CLIC4: variants seen among roughly 807,000 people sequenced by gnomAD.
CLIC4 encodes the protein chloride intracellular channel protein 4.
In CLIC4, 13 loss-of-function variants were observed where a neutral mutation model predicts 24.6. The observed-to-expected ratio is 0.53, with a 90% CI of 0.34 to 0.84. CLIC4 has a LOEUF of 0.84. Ranked by LOEUF, CLIC4 falls within the 40% of genes least tolerant of loss-of-function variation. The pLI is 0.01. For missense variants in CLIC4, 227 were observed against 301.7 expected (o/e 0.75, Z 1.83); for synonymous variants, 104 against 111.3 (o/e 0.93, Z 0.41).
intron 1 of CLIC4, among the ~76,000 whole-genome samples, chr1:24,784,230 C>G (rs1156858122): frequency 1.3e-5 from 2 of 152,142 alleles, no homozygotes; most frequent in Non-Finnish European, 2.9e-5. Context: ...CTAACCCCGT[C>G]CCTTGAGTGT....
At position 24,820,596 on chromosome 1, in the gene CLIC4, T is replaced by C. The variant is rs550691066; in HGVS notation, c.308+6377T>C. Among the ~76,000 whole-genome samples, 4 of 152,156 alleles carry C rather than the reference T, an allele frequency of 2.6e-5. No individual in the cohort carries two copies. In the East Asian group the frequency reaches 7.7e-4, roughly 29 times the overall value. ...AGTCTTAAAAGTGTCAGCTCAGAGG[T>C]AGGTTCCATATTTGCCAACTTGCTC... On this transcript the variant is annotated intron_variant, in intron 3 of 5. Coordinates refer to ENST00000374379, the MANE Select transcript of CLIC4 (RefSeq NM_013943.3).
At chr1:24,748,579 C>T (rs1407921390) in intron 1 of CLIC4, among the ~76,000 whole-genome samples, 1 of 143,884 alleles carries the variant, frequency 7.0e-6, no homozygotes, top group Non-Finnish European at 1.5e-5. Context: ...GGCGCGATCT[C>T]GGCTCACTGC....
At chr1:24,800,413 T>C (rs1291955907) in intron 2 of CLIC4, among the ~76,000 whole-genome samples, 1 of 138,298 alleles carries the variant, frequency 7.2e-6, no homozygotes, top group Non-Finnish European at 1.6e-5. Flanking sequence ...GCCCCCAGCC[T>C]GGCCAGCTGC....
At chr1:24,835,953 T>A (rs6600274) in intron 4 of CLIC4, among the ~76,000 whole-genome samples, 10 of 151,950 alleles carry the variant, frequency 6.6e-5, no homozygotes, top group Non-Finnish European at 1.3e-4. Context: ...ACAATGTTGC[T>A]TATGTACAAG....
intron 1 of CLIC4, among the ~76,000 whole-genome samples, chr1:24,765,793 T>G (rs1224118530): frequency 6.7e-6 from 1 of 149,642 alleles, no homozygotes; most frequent in African/African-American, 2.4e-5. Context: ...TTTCTTTCCT[T>G]CTTTTTCTTC....
At chr1:24,815,352 A>AG in intron 3 of CLIC4, among the ~76,000 whole-genome samples, 1 of 152,172 alleles carries the variant, frequency 6.6e-6, no homozygotes, top group East Asian at 1.9e-4. Context: ...TACAAAAAAA[A>AG]TTAGCTGGGC....
chr1:24,784,869 T>G (rs1281194137), intron 1 of CLIC4, among the ~76,000 whole-genome samples: 2 of 152,002 alleles, frequency 1.3e-5, no homozygotes, highest in African/African-American at 4.8e-5. Flanking sequence ...CCGGGCATGG[T>G]GGCGTGCATC....
chr1:24,757,704 C>T (rs760633243), intron 1 of CLIC4, among the ~76,000 whole-genome samples: 2 of 152,134 alleles, frequency 1.3e-5, no homozygotes, highest in Non-Finnish European at 2.9e-5. Flanking sequence ...TAAATTTAAG[C>T]CTTGACCATA....
chr1:24,767,430 A>G (rs1639015249), intron 1 of CLIC4, among the ~76,000 whole-genome samples: 1 of 152,220 alleles, frequency 6.6e-6, no homozygotes, highest in Non-Finnish European at 1.5e-5. Context: ...TCAATATACC[A>G]TATGTGGTTT....
chr1:24,807,051 A>AC (rs1639557819), intron 2 of CLIC4, among the ~76,000 whole-genome samples: 1 of 152,040 alleles, frequency 6.6e-6, no homozygotes. Context: ...AGTCCCAGCT[A>AC]CTTGCAGCTG....
intron 1 of CLIC4, among the ~76,000 whole-genome samples, chr1:24,763,555 GAATT>G (rs1340269417): frequency 4.0e-5 from 4 of 99,960 alleles, no homozygotes; most frequent in African/African-American, 9.5e-5. Flanking sequence ...AAAAAAAAAA[GAATT>G]AAGTTCAAAT....
chr1:24,790,710 G>T (rs1639324156), intron 1 of CLIC4, among the ~76,000 whole-genome samples: 1 of 152,154 alleles, frequency 6.6e-6, no homozygotes, highest in South Asian at 2.1e-4. Context: ...CATCCCAGGG[G>T]CAGGGGCTTG....
intron 1 of CLIC4, among the ~76,000 whole-genome samples, chr1:24,796,863 C>A (rs1639410005): frequency 6.6e-6 from 1 of 152,148 alleles, no homozygotes; most frequent in Non-Finnish European, 1.5e-5. Context: ...CCATATTGGA[C>A]ATTGGCAATA....
intron 3 of CLIC4, among the ~76,000 whole-genome samples, chr1:24,816,322 C>T (rs930580961): frequency 6.9e-6 from 1 of 143,954 alleles, no homozygotes; most frequent in Non-Finnish European, 1.5e-5. Flanking sequence ...TCACTGCAAC[C>T]TCCACCTCCC....
chr1:24,819,031 GGAAGGCT>G (rs1571260426), intron 3 of CLIC4, among the ~76,000 whole-genome samples: 1 of 152,088 alleles, frequency 6.6e-6, no homozygotes, highest in Non-Finnish European at 1.5e-5. Context: ...ATGGTAGGCA[GGAAGGCT>G]GATGAGCAAC....
At chr1:24,802,293 C>A (rs1287562689) in intron 2 of CLIC4, among the ~76,000 whole-genome samples, 1 of 151,870 alleles carries the variant, frequency 6.6e-6, no homozygotes, top group Non-Finnish European at 1.5e-5. Flanking sequence ...AGGCATTATT[C>A]CTATAGGTTG....
At chr1:24,808,417 G>A (rs1026441678) in intron 2 of CLIC4, among the ~76,000 whole-genome samples, 1 of 152,138 alleles carries the variant, frequency 6.6e-6, no homozygotes, top group Non-Finnish European at 1.5e-5. Flanking sequence ...CTAATACAGT[G>A]TAAATGCTAT....
At chr1:24,775,568 C>T (rs946168098) in intron 1 of CLIC4, among the ~76,000 whole-genome samples, 2 of 149,792 alleles carry the variant, frequency 1.3e-5, no homozygotes, top group African/African-American at 2.5e-5. Flanking sequence ...TTCTCTTTCC[C>T]TCTCTTTTCT....
chr1:24,766,444 A>G (rs933010791), intron 1 of CLIC4, among the ~76,000 whole-genome samples: 1 of 74,130 alleles, frequency 1.3e-5, no homozygotes, highest in African/African-American at 4.9e-5. Flanking sequence ...TTTTTTTTAG[A>G]TATCAGGTCT....
Sources: allele counts gnomAD v4.1 joint callset (sites outside exome capture counted in the v4.1 genomes callset), GRCh38; gene constraint gnomAD v4.1.1; transcripts MANE v1.5; gene names NCBI Gene and HGNC (gene_info 2026-07-23, HGNC 2026-07-21).